Variants in TSNAX observed in about 807,000 individuals in gnomAD.
The protein encoded by TSNAX is translin-associated protein X.
Under a neutral mutation model 33.0 loss-of-function variants are expected in TSNAX, and 12 were observed. That is an observed-to-expected ratio of 0.36 (90% CI 0.23 to 0.59). TSNAX has a LOEUF of 0.59. Ranked by LOEUF, TSNAX falls within the 20% of genes least tolerant of loss-of-function variation. The pLI is 0.74. For missense variants in TSNAX, 267 were observed against 341.3 expected (o/e 0.78, Z 1.72); for synonymous variants, 110 against 117.2 (o/e 0.94, Z 0.40).
chr1:231,534,532 CTT>C (rs769983782), intron 2 of TSNAX: 1 of 152,156 alleles, frequency 6.6e-6, no homozygotes, highest in Non-Finnish European at 1.5e-5. Flanking sequence ...ATAAAATTAA[CTT>C]ATATTACTAT....
At chr1:231,547,583 G>T (rs1211374350) in intron 4 of TSNAX, among the ~76,000 whole-genome samples, 3 of 151,234 alleles carry the variant, frequency 2.0e-5, no homozygotes, top group African/African-American at 7.3e-5. Context: ...TAGAGGTGGG[G>T]TTTCACTATG....
At position 231,529,276 on chromosome 1, in the gene TSNAX, G is replaced by C; in HGVS notation, c.38G>C (p.Arg13Thr). The C allele has an allele frequency of 3.7e-6, 6 of 1,614,140 alleles. No individual in the cohort carries two copies. The highest frequency in any genetic ancestry group is 5.1e-6 in the Non-Finnish European group (6 of 1,180,030). Residue 13 changes from arginine to threonine, a missense_variant, in exon 2 of 6, where the codon AGG becomes ACG. Coordinates refer to ENST00000366639, the MANE Select transcript of TSNAX (RefSeq NM_005999.3). ...TAAGGATCAGGAGGGTTCAGGAAAAGGAAGCATGACAATTTCCCACATAAC... is the reference window on the plus strand; with the variant it reads ...TAAGGATCAGGAGGGTTCAGGAAAACGAAGCATGACAATTTCCCACATAAC... ...NKEGSGGFRK[R>T]KHDNFPHNQR...
intron 2 of TSNAX, among the ~76,000 whole-genome samples, chr1:231,530,278 C>T (rs892102950): frequency 1.3e-5 from 2 of 152,256 alleles, no homozygotes; most frequent in Admixed American, 6.5e-5. Context: ...TATGTCCCAC[C>T]CTTTGGAGGG....
At chr1:231,530,277 C>T (rs547546655) in intron 2 of TSNAX, among the ~76,000 whole-genome samples, 3 of 152,344 alleles carry the variant, frequency 2.0e-5, no homozygotes, top group African/African-American at 7.2e-5. Context: ...TTATGTCCCA[C>T]CCTTTGGAGG....
chr1:231,553,106 A>G (rs1359726735), intron 4 of TSNAX, among the ~76,000 whole-genome samples: 1 of 152,206 alleles, frequency 6.6e-6, no homozygotes, highest in Non-Finnish European at 1.5e-5. Flanking sequence ...TTGGGTGTAT[A>G]TACCTAGGAG....
intron 4 of TSNAX, among the ~76,000 whole-genome samples, chr1:231,560,316 C>T (rs1369448882): frequency 6.7e-6 from 1 of 149,084 alleles, no homozygotes; most frequent in Non-Finnish European, 1.5e-5. Flanking sequence ...TTGTTTGAAT[C>T]ATTGCTTCGT....
chr1:231,531,503 CCTT>C (rs1658715677), intron 2 of TSNAX, among the ~76,000 whole-genome samples: 1 of 152,112 alleles, frequency 6.6e-6, no homozygotes, highest in Admixed American at 6.5e-5. Context: ...GGACTGAGCT[CCTT>C]GAGGATAGGA....
At chr1:231,547,403 T>A (rs1369784993) in intron 4 of TSNAX, among the ~76,000 whole-genome samples, 1 of 145,142 alleles carries the variant, frequency 6.9e-6, no homozygotes, top group Non-Finnish European at 1.5e-5. Flanking sequence ...TTTTTTTTTT[T>A]TTTTTGAGAT....
At chr1:231,562,676 T>C (rs1364331868) in intron 5 of TSNAX, among the ~76,000 whole-genome samples, 6 of 152,142 alleles carry the variant, frequency 3.9e-5, no homozygotes, top group African/African-American at 1.4e-4. Context: ...TATTTTAAGA[T>C]TATGGGGCTA....
At chr1:231,530,241 CTG>C (rs1303181794) in intron 2 of TSNAX, among the ~76,000 whole-genome samples, 1 of 152,214 alleles carries the variant, frequency 6.6e-6, no homozygotes, top group Non-Finnish European at 1.5e-5. Flanking sequence ...GTTTTAAAAA[CTG>C]TCTCACATTG....
At chr1:231,552,021 C>A (rs1468463845) in intron 4 of TSNAX, among the ~76,000 whole-genome samples, 1 of 151,638 alleles carries the variant, frequency 6.6e-6, no homozygotes, top group Non-Finnish European at 1.5e-5. Flanking sequence ...CCATTCCAGG[C>A]GCGGTGGCTT....
intron 2 of TSNAX, among the ~76,000 whole-genome samples, chr1:231,531,302 C>T (rs1658697754): frequency 6.6e-6 from 1 of 152,146 alleles, no homozygotes; most frequent in African/African-American, 2.4e-5. Flanking sequence ...AGCCTCTTTC[C>T]TGTGAATGCG....
chr1:231,559,286 T>C (rs1405719405), intron 4 of TSNAX, among the ~76,000 whole-genome samples: 2 of 151,822 alleles, frequency 1.3e-5, no homozygotes, highest in Non-Finnish European at 2.9e-5. Flanking sequence ...AGACATCAAA[T>C]AATATTGAAA....
At chr1:231,554,502 G>A (rs906861400) in intron 4 of TSNAX, 1 of 152,154 alleles carries the variant, frequency 6.6e-6, no homozygotes, top group Non-Finnish European at 1.5e-5. Context: ...TCAGACAGCT[G>A]TTTGTAATCT....
chr1:231,535,983 G>A (rs558306265), intron 2 of TSNAX: 22 of 152,278 alleles, frequency 1.4e-4, no homozygotes, highest in African/African-American at 5.1e-4. Context: ...CACAGCCTGC[G>A]TTCAGCCTTT....
intron 2 of TSNAX, among the ~76,000 whole-genome samples, chr1:231,533,794 A>G (rs948530409): frequency 1.3e-5 from 2 of 152,254 alleles, no homozygotes; most frequent in Admixed American, 6.5e-5. Context: ...GAACCATTTA[A>G]GAACAAGTTG....
At chr1:231,543,830 ATC>A (rs1259677454) in intron 4 of TSNAX, among the ~76,000 whole-genome samples, 3 of 152,204 alleles carry the variant, frequency 2.0e-5, no homozygotes, top group African/African-American at 7.2e-5. Flanking sequence ...ATTTATTAAT[ATC>A]AGGGGTTTAT....
At chr1:231,545,957 T>G (rs1352333365) in intron 4 of TSNAX, among the ~76,000 whole-genome samples, 7 of 152,332 alleles carry the variant, frequency 4.6e-5, no homozygotes, top group African/African-American at 1.7e-4. Context: ...TGGATTTCAT[T>G]TACCTCTTAA....
At chr1:231,543,654 C>T (rs138504363) in intron 4 of TSNAX, among the ~76,000 whole-genome samples, 1 of 152,206 alleles carries the variant, frequency 6.6e-6, no homozygotes, top group African/African-American at 2.4e-5. Flanking sequence ...ATAATTTCAG[C>T]ACTTGTTTTT....
Sources: allele counts gnomAD v4.1 joint callset (sites outside exome capture counted in the v4.1 genomes callset), GRCh38; gene constraint gnomAD v4.1.1; transcripts MANE v1.5; gene names NCBI Gene and HGNC (gene_info 2026-07-23, HGNC 2026-07-21).